The following PGAP2 variants were observed in gnomAD, a reference collection of about 807,000 sequenced individuals.
The protein encoded by PGAP2 is acyltransferase PGAP2.
In PGAP2, 21 loss-of-function variants were observed where a neutral mutation model predicts 33.2. That is an observed-to-expected ratio of 0.63 (90% confidence interval 0.45 to 0.91). The LOEUF is 0.91. Ranked by LOEUF, PGAP2 falls within the 40% of genes least tolerant of loss-of-function variation. The pLI, the probability that PGAP2 is intolerant of heterozygous loss-of-function variation, is 0.00. For missense variants in PGAP2, 345 were observed against 424.0 expected, an observed-to-expected ratio of 0.81 and a Z score of 1.64; for synonymous variants, 161 against 172.9, an observed-to-expected ratio of 0.93 and a Z score of 0.54.
chr11:3,818,519 C>T (rs754953065), intron 3 of PGAP2, among the ~76,000 whole-genome samples: 51 of 152,154 alleles, frequency 3.4e-4, no homozygotes, highest in Admixed American at 7.9e-4. Flanking sequence ...GGCCCAGACT[C>T]GGGGACTGAC....
In PGAP2 at chr11:3,797,940, A is replaced by T. The variant is rs576607794; in HGVS notation, c.97A>T (p.Arg33Trp). 27 of 1,548,676 alleles carry T rather than the reference A, an allele frequency of 1.7e-5. No individual in the cohort carries two copies. In the East Asian group the frequency reaches 6.2e-4, roughly 36 times the overall value. Residue 33 changes from arginine (R) to tryptophan (W), a missense_variant, in exon 1 of 7, where the codon AGG becomes TGG. By Grantham distance (101) the Arg-to-Trp change is moderately radical (BLOSUM62 -3). Transcript: ENST00000300730. ...CCTTGGAGCGCCGCGACTCGGGCTGAGGGAGCTCGGGCCAATCAGAGGGAC... is the reference window on the plus strand; with the variant it reads ...CCTTGGAGCGCCGCGACTCGGGCTGTGGGAGCTCGGGCCAATCAGAGGGAC...
chr11:3,808,293 G>T (rs775910056), upstream of PGAP2: 2 of 1,551,532 alleles, frequency 1.3e-6, no homozygotes, highest in South Asian at 2.4e-5. Flanking sequence ...TCTTTCAACA[G>T]GTAGATGGAA....
In PGAP2 at chr11:3,808,632, C is replaced by T. The variant is rs61896956; in HGVS notation, c.-30C>T. ...CCTGGGCCCCCGGGTTCCGCCGGCA[C>T]TCTCGCCACCACCGCGTGGGTGAGT... is the stretch of plus-strand genomic sequence containing the variant. On this transcript the variant is annotated 5_prime_UTR_variant, in exon 1 of 7. Coordinates refer to ENST00000278243, the MANE Select transcript of PGAP2 (RefSeq NM_014489.4). 11 of 1,294,264 alleles carry T rather than the reference C, an allele frequency of 8.5e-6. No homozygotes were observed. In the Admixed American group the frequency reaches 2.6e-4, roughly 31 times the overall value. 80.2% of individuals were successfully genotyped at this position (1,294,264 alleles called of 1,614,324 possible).
chr11:3,822,955 G>C, intron 3 of PGAP2: 2 of 1,525,130 alleles, frequency 1.3e-6, no homozygotes, highest in Non-Finnish European at 1.8e-6. Flanking sequence ...GGATGGTGGA[G>C]ATGCACAAGA....
rs1333667185 is a variant in PGAP2 at position 3,811,551 on chromosome 11, G to C, written c.165+127G>C. On this transcript the variant is annotated intron_variant, in intron 2 of 6. Transcript: ENST00000278243. The surrounding 1 kb of genome is among the most constrained non-coding windows in gnomAD (Gnocchi z 4.6). The stretch of plus-strand genomic sequence containing the variant: ...CATCAAACATACGGGGCTGCTGGGG[G>C]GATGCCTGCAAATTGAAATCTCAAG... 3 of 863,110 alleles carry C rather than the reference G, an allele frequency of 3.5e-6. No homozygotes were observed. The Admixed American group carries it at 8.7e-5, about 25-fold the overall frequency. The allele number at this position is 863,110 out of a possible 1,614,324, so 53.5% of individuals were successfully genotyped here.
At chr11:3,815,640 G>C (rs61899361) in intron 2 of PGAP2, among the ~76,000 whole-genome samples, 1 of 152,148 alleles carries the variant, frequency 6.6e-6, no homozygotes, top group East Asian at 1.9e-4. Context: ...GTTTGTCACT[G>C]TTCTCTGCTG....
intron 5 of PGAP2, 151 bp downstream of exon 5, chr11:3,824,527 C>A: frequency 8.4e-7 from 1 of 1,185,558 alleles, no homozygotes; most frequent in Non-Finnish European, 1.2e-6. Context: ...GGCTTGGGAA[C>A]AAACTGAGGG....
intron 2 of PGAP2, among the ~76,000 whole-genome samples, chr11:3,814,295 C>T (rs565088487): frequency 2.6e-5 from 4 of 152,132 alleles, no homozygotes; most frequent in African/African-American, 4.8e-5. Flanking sequence ...CTCACTCTGT[C>T]GCCTAGGCTG....
rs145026023 is a variant in PGAP2 at position 3,817,395 on chromosome 11, G to A, written c.208G>A (p.Asp70Asn). Residue 70 changes from aspartate to asparagine, a missense_variant, in exon 3 of 7, where the codon GAC becomes AAC. Transcript: ENST00000278243. ...GTTCTCTGCGGCCTCCCAGCCTTTG[G>A]ACCCCGATGGGACCTTGTTCCGGCT... is the stretch of plus-strand genomic sequence containing the variant. ...RMFSAASQPL[D>N]PDGTLFRLRF... The A allele has an allele frequency of 3.8e-5, 62 of 1,614,048 alleles. No homozygotes were observed. Among genetic ancestry groups the A allele is most frequent in the Non-Finnish European group, 5.3e-5 (62 of 1,180,044 alleles).
intron 1 of PGAP2, among the ~76,000 whole-genome samples, chr11:3,801,556 G>A (rs1353591099): frequency 6.7e-6 from 1 of 148,560 alleles, no homozygotes; most frequent in African/African-American, 2.5e-5. Context: ...GCAGGAGAAT[G>A]GTGTGAACCC....
intron 5 of PGAP2, chr11:3,824,801 G>A: frequency 7.0e-7 from 1 of 1,432,372 alleles, no homozygotes; most frequent in Non-Finnish European, 9.1e-7. Flanking sequence ...TGAAGTGGAA[G>A]CGGCAGGAAT....
chr11:3,824,513 C>A, intron 5 of PGAP2, 137 bp downstream of exon 5: 3 of 1,346,940 alleles, frequency 2.2e-6, no homozygotes, highest in Non-Finnish European at 3.1e-6. Context: ...GGGGTTGGGG[C>A]TGGGGCTTGG....
At chr11:3,804,032 C>A (rs185876976), upstream of PGAP2, among the ~76,000 whole-genome samples, 2 of 151,868 alleles carry the variant, frequency 1.3e-5, no homozygotes, top group Non-Finnish European at 2.9e-5. Context: ...CTCAGGCGAT[C>A]CGCCTGCCTC....
At chr11:3,808,519 T>C (rs1335579164), upstream of PGAP2, 4 of 1,405,466 alleles carry the variant, frequency 2.8e-6, no homozygotes, top group Non-Finnish European at 3.7e-6. Context: ...CGCAGTTTCC[T>C]CTCTAAGTTC....
chr11:3,808,696 C>T, intron 1 of PGAP2, 45 bp downstream of exon 1: 4 of 1,061,380 alleles, frequency 3.8e-6, no homozygotes, highest in South Asian at 3.2e-5. Context: ...CAGCCCCACT[C>T]GGGAGCTTGG....
rs182805607 is a variant in PGAP2 at position 3,799,633 on chromosome 11, G to C, written c.139+1651G>C. On this transcript the variant is annotated intron_variant, in intron 1 of 6. Coordinates refer to the PGAP2 transcript ENST00000300730. ...TGAGTTTAAAGCCATCTGGGTTTTC[G>C]GTGATGGCAAGGGATTAGAGATAAT... is the stretch of plus-strand genomic sequence containing the variant. Among the ~76,000 whole-genome samples the C allele has an allele frequency of 3.3e-5, 5 of 152,188 alleles. No individual in the cohort carries two copies. In the East Asian group the frequency reaches 9.7e-4, roughly 30 times the overall value.
intron 3 of PGAP2, among the ~76,000 whole-genome samples, chr11:3,821,328 ATAGT>A (rs1297778913): frequency 2.0e-5 from 3 of 152,236 alleles, no homozygotes; most frequent in Non-Finnish European, 4.4e-5. Flanking sequence ...CTGTCCCTCC[ATAGT>A]TAGAGCAAAT....
chr11:3,824,887 C>G (rs1388203154), intron 5 of PGAP2, 133 bp from the exon 6 acceptor site: 18 of 1,487,802 alleles, frequency 1.2e-5, no homozygotes, highest in Non-Finnish European at 1.5e-5. Flanking sequence ...CTGCCCCTGC[C>G]TGTGCTCCCT....
rs138755774 is a variant in PGAP2 at position 3,817,422 on chromosome 11, C to A, written c.235C>A (p.Arg79Ser). The change falls in exon 3 of 7, where the codon CGC (arginine) becomes AGC (serine). Residue 79 changes from arginine (R) to serine (S), a missense_variant. Around this residue, in one of 2 missense-constraint regions of PGAP2, gnomAD observed 311 missense variants for 353.6 expected, o/e 0.88. Transcript: ENST00000278243. Reference sequence around the variant, plus strand: ...CCCCGATGGGACCTTGTTCCGGCTTCGCTTCACAGCCATGGTCTGGTGGGC... The same window carrying A: ...CCCCGATGGGACCTTGTTCCGGCTTAGCTTCACAGCCATGGTCTGGTGGGC... ...LDPDGTLFRLRFTAMVWWAIT... is the reference protein window; with the variant it reads ...LDPDGTLFRLSFTAMVWWAIT... 6.2e-7 allele frequency: 1 copy of A among 1,614,008 alleles called. No homozygotes were observed. Among genetic ancestry groups the A allele is most frequent in the Non-Finnish European group, 8.5e-7 (1 of 1,180,016 alleles).
Sources: gnomAD v4.1 joint callset for allele counts (sites outside exome capture counted in the v4.1 genomes callset) on GRCh38, gnomAD v4.1.1 for gene constraint, gnomAD v4.1.1 regional missense constraint, Gnocchi (gnomAD v3.1) non-coding constraint, MANE v1.5 for transcripts, NCBI Gene and HGNC (gene_info 2026-07-23, HGNC 2026-07-21) for gene names.